MDGA2: variants seen among roughly 807,000 people sequenced by gnomAD.
The protein encoded by MDGA2 is MAM domain containing glycosylphosphatidylinositol anchor 2.
In MDGA2, 40 loss-of-function variants were observed where a neutral mutation model predicts 117.8. The ratio of observed to expected loss-of-function variants is 0.34; its 90% CI spans 0.26 to 0.44. MDGA2 has a LOEUF of 0.44. Ranked by LOEUF, MDGA2 falls within the 20% of genes least tolerant of loss-of-function variation. The pLI is 1.00. For synonymous variants in MDGA2, 452 were observed against 439.0 expected (o/e 1.03, Z -0.37); for missense variants, 1,123 against 1,250.6 (o/e 0.90, Z 1.54).
At chr14:46,966,098 AG>A (rs1382038697) in intron 8 of MDGA2, among the ~76,000 whole-genome samples, 1 of 150,964 alleles carries the variant, frequency 6.6e-6, no homozygotes, top group African/African-American at 2.5e-5. Context: ...ATAAAAATAA[AG>A]ATTATATTTC....
intron 1 of MDGA2, among the ~76,000 whole-genome samples, chr14:47,605,287 T>C (rs1433240964): frequency 2.6e-5 from 4 of 152,208 alleles, no homozygotes; most frequent in East Asian, 1.9e-4. Context: ...TTTTCACTTA[T>C]AGATAAGAAG....
chr14:47,058,707 T>C, intron 7 of MDGA2: 1 of 985,378 alleles, frequency 1.0e-6, no homozygotes, highest in Non-Finnish European at 1.2e-6. Flanking sequence ...TCCACTCTAT[T>C]GTAAGCAAAT....
intron 8 of MDGA2, among the ~76,000 whole-genome samples, chr14:46,986,376 C>CAA (rs372183568): frequency 1.3e-4 from 20 of 152,176 alleles, no homozygotes; most frequent in African/African-American, 4.8e-4. Flanking sequence ...TAAAGCTACT[C>CAA]CCTTTAATTA....
intron 15 of MDGA2, among the ~76,000 whole-genome samples, chr14:46,849,996 A>G (rs1880997191): frequency 6.6e-6 from 1 of 151,878 alleles, no homozygotes; most frequent in Non-Finnish European, 1.5e-5. Flanking sequence ...CTCCCGCACA[A>G]TAGCACTATT....
intron 1 of MDGA2, among the ~76,000 whole-genome samples, chr14:47,450,451 T>A (rs1308159369): frequency 6.6e-6 from 1 of 152,026 alleles, no homozygotes; most frequent in Non-Finnish European, 1.5e-5. Context: ...GGAAATAATT[T>A]CCAAGCAGTG....
At chr14:47,330,108 C>T (rs1042064743) in intron 1 of MDGA2, among the ~76,000 whole-genome samples, 6 of 151,932 alleles carry the variant, frequency 3.9e-5, no homozygotes, top group Non-Finnish European at 5.9e-5. Flanking sequence ...CTTGTATCTA[C>T]ACCTATATGT....
chr14:47,619,480 G>A (rs911771336), intron 1 of MDGA2, among the ~76,000 whole-genome samples: 3 of 152,116 alleles, frequency 2.0e-5, no homozygotes, highest in Non-Finnish European at 4.4e-5. Flanking sequence ...ATCAAGTGAA[G>A]GGTGGAAGTA....
chr14:47,640,499 T>C lies in MDGA2; in HGVS notation c.280+34018A>G, dbSNP rs148693067. Among the ~76,000 whole-genome samples, 50 of 152,300 alleles carry C rather than the reference T, an allele frequency of 3.3e-4. No homozygotes were observed. In the East Asian group the frequency reaches 3.7e-3, roughly 11 times the overall value. On this transcript the variant is annotated intron_variant, in intron 1 of 16. Transcript: ENST00000399232. ...TAATGGTAAAATCATCATGTCATATTCCTTTCTAAAAATTTGTGGAGGGAT... is the reference window on the plus strand; with the variant it reads ...TAATGGTAAAATCATCATGTCATATCCCTTTCTAAAAATTTGTGGAGGGAT...
intron 3 of MDGA2, among the ~76,000 whole-genome samples, chr14:47,214,369 T>C (rs1039815007): frequency 6.6e-5 from 10 of 152,172 alleles, no homozygotes; most frequent in Admixed American, 6.6e-4. Context: ...ATTTTATCAA[T>C]AAATTATGTT....
intron 5 of MDGA2, among the ~76,000 whole-genome samples, chr14:47,127,142 C>T (rs1427958782): frequency 6.6e-6 from 1 of 152,080 alleles, no homozygotes; most frequent in African/African-American, 2.4e-5. Flanking sequence ...CAATAAGGTA[C>T]ACATTTTCCT....
intron 1 of MDGA2, among the ~76,000 whole-genome samples, chr14:47,352,272 A>G (rs77902427): frequency 0.029 from 4,439 of 152,204 alleles, 219 homozygotes; most frequent in African/African-American, 0.1. Context: ...TCTCAGCATA[A>G]TTCTTCATGA....
chr14:47,619,630 C>T (rs973367722), intron 1 of MDGA2, among the ~76,000 whole-genome samples: 12 of 152,112 alleles, frequency 7.9e-5, no homozygotes, highest in Admixed American at 2.0e-4. Flanking sequence ...CAAGGGAGCA[C>T]GTAGCACAAC....
chr14:47,660,001 T>C (rs905043001), intron 1 of MDGA2, among the ~76,000 whole-genome samples: 4 of 152,172 alleles, frequency 2.6e-5, no homozygotes, highest in African/African-American at 4.8e-5. Context: ...TAGGAAGCCA[T>C]TGCTTAAAGA....
Position 47,189,917 on chromosome 14 carries a change from A to G in MDGA2, c.595+28104T>C, listed in dbSNP as rs530729124. On this transcript the variant is annotated intron_variant, in intron 3 of 16. Coordinates refer to ENST00000399232, the MANE Select transcript of MDGA2 (RefSeq NM_001113498.3). ...CTTCATGTAGCAATAAAAAGAAATA[A>G]TGAGGCTGTGTTACAATGCCCTAGT... Among the ~76,000 whole-genome samples, 7 of 152,276 alleles carry G rather than the reference A, an allele frequency of 4.6e-5. No homozygotes were observed. The East Asian group carries it at 1.4e-3, about 29-fold the overall frequency.
intron 3 of MDGA2, chr14:47,200,896 G>T: frequency 1.2e-6 from 1 of 854,228 alleles, no homozygotes; most frequent in Admixed American, 1.8e-5. Context: ...AGTCCAGAGC[G>T]GCCTGGCCTC....
intron 1 of MDGA2, among the ~76,000 whole-genome samples, chr14:47,430,259 C>T (rs1892772695): frequency 1.3e-5 from 2 of 151,852 alleles, no homozygotes; most frequent in Admixed American, 1.3e-4. Flanking sequence ...GGAAGTAAAG[C>T]CACTAAAACA....
At chr14:47,496,876 G>A (rs541513064) in intron 1 of MDGA2, among the ~76,000 whole-genome samples, 100 of 152,034 alleles carry the variant, frequency 6.6e-4, no homozygotes, top group African/African-American at 2.0e-3. Context: ...GTTTTCCATG[G>A]ACTGGTGTTG....
chr14:47,657,533 C>T (rs1402976507), intron 1 of MDGA2, among the ~76,000 whole-genome samples: 1 of 152,156 alleles, frequency 6.6e-6, no homozygotes, highest in African/African-American at 2.4e-5. Flanking sequence ...AGGAAACTAA[C>T]TAGGCATTTG....
intron 1 of MDGA2, among the ~76,000 whole-genome samples, chr14:47,342,706 G>T (rs1890666292): frequency 6.6e-6 from 1 of 152,084 alleles, no homozygotes; most frequent in Admixed American, 6.6e-5. Flanking sequence ...ATGTTTTTCA[G>T]GTAGGCCTAC....
Sources: gnomAD v4.1 joint callset for allele counts (sites outside exome capture counted in the v4.1 genomes callset) on GRCh38, gnomAD v4.1.1 for gene constraint, MANE v1.5 for transcripts, NCBI Gene and HGNC (gene_info 2026-07-23, HGNC 2026-07-21) for gene names.